The following CAMK2B variants were observed in gnomAD, a reference collection of about 807,000 sequenced individuals.
CAMK2B encodes the protein calcium/calmodulin dependent protein kinase II beta.
A neutral mutation model predicts 93.7 loss-of-function variants in CAMK2B; 27 were observed. That is an observed-to-expected ratio of 0.29 (90% confidence interval 0.21 to 0.40). The LOEUF (loss-of-function observed/expected upper bound fraction) is 0.40, where lower values mean the gene tolerates loss of function less well. Ranked by LOEUF, CAMK2B falls within the 10% of genes least tolerant of loss-of-function variation. The probability of loss-of-function intolerance (pLI) is 1.00; values close to 1 mark genes in which losing one functional copy is unlikely to be tolerated. For missense variants in CAMK2B, 568 were observed against 895.8 expected (o/e 0.63, Z 4.67); for synonymous variants, 374 against 358.8 (o/e 1.04, Z -0.48).
chr7:44,282,555 C>T (rs2097110584), intron 2 of CAMK2B, among the ~76,000 whole-genome samples: 2 of 152,334 alleles, frequency 1.3e-5, no homozygotes, highest in Middle Eastern at 3.4e-3. Context: ...CGCCAAGCCC[C>T]TTCGTGGCTC....
At chr7:44,234,723 C>G in intron 13 of CAMK2B, 47 bp from the exon 14 acceptor site, 1 of 1,595,610 alleles carries the variant, frequency 6.3e-7, no homozygotes, top group Non-Finnish European at 8.6e-7. Flanking sequence ...GGGCCTGGGT[C>G]TCGCTGCAGC....
At chr7:44,226,215 TC>T (rs1296498298) in intron 20 of CAMK2B, among the ~76,000 whole-genome samples, 2 of 151,990 alleles carry the variant, frequency 1.3e-5, no homozygotes, top group Non-Finnish European at 2.9e-5. Context: ...CCCATTCCCC[TC>T]CCATCAGGAG....
rs1408788715 is a variant in CAMK2B, at chr7:44,224,081, G to C, written c.1597+2435C>G. Among the ~76,000 whole-genome samples, 1 of 152,246 alleles carries C rather than the reference G, an allele frequency of 6.6e-6. No homozygotes were observed. Among genetic ancestry groups the C allele is most frequent in the African/African-American group, 2.4e-5 (1 of 41,460 alleles). On this transcript the variant is annotated intron_variant, in intron 20 of 23. Coordinates refer to ENST00000395749, the MANE Select transcript of CAMK2B (RefSeq NM_001220.5). This position sits in a 1 kb window ranked among gnomAD's most constrained non-coding sequence, Gnocchi z 4.4. ...ACAAATTGTAATTAAAATGGGAGTTGATGGGAAGAGAAAGCGTGAAGTAAA... is the reference window on the plus strand; with the variant it reads ...ACAAATTGTAATTAAAATGGGAGTTCATGGGAAGAGAAAGCGTGAAGTAAA...
intron 3 of CAMK2B, among the ~76,000 whole-genome samples, chr7:44,262,023 G>T (rs1482235687): frequency 6.6e-6 from 1 of 152,244 alleles, no homozygotes; most frequent in Non-Finnish European, 1.5e-5. Flanking sequence ...CTGGGGTCCT[G>T]CTGGGTCCAA....
chr7:44,263,131 G>T (rs2096894216), intron 2 of CAMK2B, 67 bp from the exon 3 acceptor site: 3 of 1,475,934 alleles, frequency 2.0e-6, no homozygotes, highest in South Asian at 1.2e-5. Flanking sequence ...GATCGTCCAT[G>T]TCAGGAGAGG....
intron 6 of CAMK2B, among the ~76,000 whole-genome samples, chr7:44,246,709 C>T (rs776902780): frequency 2.0e-5 from 3 of 152,192 alleles, no homozygotes; most frequent in Admixed American, 6.5e-5. Context: ...GCAAGATGCA[C>T]ACACAAGCAT....
At chr7:44,281,240 C>T (rs899898464) in intron 2 of CAMK2B, among the ~76,000 whole-genome samples, 6 of 152,258 alleles carry the variant, frequency 3.9e-5, no homozygotes, top group African/African-American at 1.4e-4. Context: ...TAGAGAAAGG[C>T]TGCACTGGGC....
chr7:44,237,938 C>A (rs1003851686), intron 13 of CAMK2B, among the ~76,000 whole-genome samples: 2 of 152,180 alleles, frequency 1.3e-5, no homozygotes, highest in Non-Finnish European at 2.9e-5. Context: ...TGCCCTTACA[C>A]CTGATCAATG....
upstream of CAMK2B, chr7:44,325,648 G>C (rs1481585498): frequency 6.7e-6 from 1 of 149,360 alleles, no homozygotes; most frequent in Admixed American, 6.8e-5. Flanking sequence ...GGGGAGGCGC[G>C]GGCGCCGCTG....
chr7:44,297,757 C>CA (rs1429919912), intron 1 of CAMK2B, among the ~76,000 whole-genome samples: 5 of 151,910 alleles, frequency 3.3e-5, no homozygotes, highest in Admixed American at 6.6e-5. Flanking sequence ...TCTCCAGGGA[C>CA]AAAAAAATGG....
chr7:44,253,901 G>GTTTTT (rs58844378), intron 5 of CAMK2B, among the ~76,000 whole-genome samples: 1 of 139,782 alleles, frequency 7.2e-6, no homozygotes, highest in African/African-American at 2.6e-5. Context: ...CCTGGCCTCA[G>GTTTTT]TTTTTTTTTT....
chr7:44,258,897 C>G lies in CAMK2B; in HGVS notation c.250G>C (p.Gly84Arg), dbSNP rs200233877. ...AGATCGAAGACCAGGTAGTGGAAGCCCTCCTCGGAGATGCTGTCGTGGAGA... is the reference window on the plus strand; with the variant it reads ...AGATCGAAGACCAGGTAGTGGAAGCGCTCCTCGGAGATGCTGTCGTGGAGA... ...VRLHDSISEE[G>R]FHYLVFDLVT... The change falls in exon 4 of 24, where the codon GGC becomes CGC. Residue 84 changes from glycine to arginine, a missense_variant. Coordinates refer to ENST00000395749, the MANE Select transcript of CAMK2B (RefSeq NM_001220.5). 6.2e-7 allele frequency: 1 copy of G among 1,614,022 alleles called. No homozygotes were observed. The highest frequency in any genetic ancestry group is 8.5e-7 in the Non-Finnish European group (1 of 1,179,956).
At chr7:44,221,010 T>C in intron 20 of CAMK2B, 109 bp from the exon 21 acceptor site, 1 of 863,110 alleles carries the variant, frequency 1.2e-6, no homozygotes, top group South Asian at 1.5e-5. Context: ...ATCCATGCCG[T>C]GTTCCTGCCG....
At chr7:44,239,403 G>C (rs2096655130) in intron 13 of CAMK2B, among the ~76,000 whole-genome samples, 186 bp downstream of exon 13, 1 of 152,210 alleles carries the variant, frequency 6.6e-6, no homozygotes, top group Non-Finnish European at 1.5e-5. Context: ...GAGCCTTGGG[G>C]GCTGCCTCCC....
intron 19 of CAMK2B, among the ~76,000 whole-genome samples, chr7:44,227,806 G>T: frequency 8.1e-6 from 1 of 123,424 alleles, no homozygotes; most frequent in African/African-American, 3.3e-5. Flanking sequence ...GGGGGACAGA[G>T]GGAGAATGTG....
In CAMK2B at chr7:44,220,804, C is replaced by A. The variant is rs764995263; in HGVS notation, c.1673+22G>T. 5 of 1,559,930 alleles carry A rather than the reference C, an allele frequency of 3.2e-6. No individual in the cohort carries two copies. In the African/African-American group the frequency reaches 6.8e-5, roughly 21 times the overall value. On this transcript the variant is annotated intron_variant, in intron 21 of 23. Coordinates refer to ENST00000395749, the MANE Select transcript of CAMK2B (RefSeq NM_001220.5). ...CCCACATCCTTGTCCTGCACAGCCC[C>A]CCCCCAGCCCCAGGGACTCACGCGT... is the stretch of plus-strand genomic sequence containing the variant.
chr7:44,258,790 C>T, intron 4 of CAMK2B, 82 bp downstream of exon 4: 4 of 1,295,980 alleles, frequency 3.1e-6, no homozygotes, highest in Non-Finnish European at 4.4e-6. Flanking sequence ...GGACTATTCC[C>T]TGGGGCTGGG....
chr7:44,231,205 C>A, intron 16 of CAMK2B, 151 bp from the exon 17 acceptor site: 1 of 654,614 alleles, frequency 1.5e-6, no homozygotes, highest in South Asian at 2.0e-5. Context: ...GGCTTAAAGG[C>A]CAGGGGCTCA....
chr7:44,276,434 G>A (rs891961293), intron 2 of CAMK2B, among the ~76,000 whole-genome samples: 2 of 151,580 alleles, frequency 1.3e-5, no homozygotes, highest in Admixed American at 6.6e-5. Context: ...GCACCCCCCC[G>A]CCACCCACTG....
Sources: allele counts gnomAD v4.1 joint callset (sites outside exome capture counted in the v4.1 genomes callset), GRCh38; gene constraint gnomAD v4.1.1; non-coding constraint Gnocchi (gnomAD v3.1); transcripts MANE v1.5; gene names NCBI Gene and HGNC (gene_info 2026-07-23, HGNC 2026-07-21).